PHACTR3: variants seen among roughly 807,000 people sequenced by gnomAD.
PHACTR3 encodes phosphatase and actin regulator 3.
PHACTR3 carries 16 observed loss-of-function variants against 66.8 expected under a neutral mutation model. That is an observed-to-expected ratio of 0.24 (90% CI 0.16 to 0.36). The LOEUF (loss-of-function observed/expected upper bound fraction) is 0.36. Ranked by LOEUF, PHACTR3 falls within the 10% of genes least tolerant of loss-of-function variation. The pLI is 1.00. For missense variants in PHACTR3, 647 were observed against 719.9 expected (o/e 0.90, Z 1.16); for synonymous variants, 323 against 292.1 (o/e 1.11, Z -1.08).
At chr20:59,675,229 A>T (rs1356798252) in intron 1 of PHACTR3, among the ~76,000 whole-genome samples, 3 of 141,980 alleles carry the variant, frequency 2.1e-5, no homozygotes, top group Non-Finnish European at 4.5e-5. Flanking sequence ...AGCTAATTGT[A>T]TTGAGGCTGT....
chr20:59,803,227 A>G (rs2041469257), intron 7 of PHACTR3, among the ~76,000 whole-genome samples: 1 of 152,236 alleles, frequency 6.6e-6, no homozygotes, highest in African/African-American at 2.4e-5. Context: ...AAAAGGTGAA[A>G]CATTCTTCTC....
chr20:59,755,209 A>G lies in PHACTR3; in HGVS notation c.386A>G (p.Asp129Gly), dbSNP rs1405607006. Residue 129 changes from aspartate (D) to glycine (G), a missense_variant, in exon 4 of 13, where the codon GAT (aspartate) becomes GGT (glycine). Asp to Gly is a moderately conservative substitution (Grantham distance 94, BLOSUM62 -1). Around this residue, in one of 2 missense-constraint regions of PHACTR3, gnomAD observed 577 missense variants for 571.1 expected, o/e 1.01. Transcript: ENST00000371015. ...QDAESKTCNPDGGPRSVQSEP... is the reference protein window; with the variant it reads ...QDAESKTCNPGGGPRSVQSEP... The stretch of plus-strand genomic sequence containing the variant: ...GCTGAAAGCAAAACTTGCAACCCCG[A>G]TGGAGGACCCCGATCTGTACAGAGT... 8 of 1,613,346 alleles carry G rather than the reference A, an allele frequency of 5.0e-6. No homozygotes were observed. Among genetic ancestry groups the G allele is most frequent in the East Asian group, 2.2e-5 (1 of 44,890 alleles).
At chr20:59,641,244 G>GTC (rs780455331) in intron 1 of PHACTR3, among the ~76,000 whole-genome samples, 24 of 151,818 alleles carry the variant, frequency 1.6e-4, no homozygotes, top group African/African-American at 4.8e-4. Flanking sequence ...ATGTATGTAT[G>GTC]TCTCTCTCTC....
At position 59,604,999 on chromosome 20, in the gene PHACTR3, C is replaced by T. The variant is rs771625476; in HGVS notation, c.-16C>T. The T allele has an allele frequency of 7.7e-7, 1 of 1,304,274 alleles. No homozygotes were observed. The highest frequency in any genetic ancestry group is 9.8e-7 in the Non-Finnish European group (1 of 1,020,284). 80.8% of individuals were successfully genotyped at this position (1,304,274 alleles called of 1,614,324 possible). On this transcript the variant is annotated 5_prime_UTR_variant, in exon 1 of 13. Coordinates refer to ENST00000371015, the MANE Select transcript of PHACTR3 (RefSeq NM_080672.5). ...CACGCGGCTCGCTCTAACTTGCCCC[C>T]GCGCCGGCCGGGCCCATGGCCGCGT...
chr20:59,773,729 G>A (rs981215093), intron 6 of PHACTR3, among the ~76,000 whole-genome samples: 1 of 152,252 alleles, frequency 6.6e-6, no homozygotes, highest in Non-Finnish European at 1.5e-5. Flanking sequence ...GACCCAGGGT[G>A]GGGTGGGAGC....
chr20:59,651,739 C>T (rs1182216930), intron 1 of PHACTR3, among the ~76,000 whole-genome samples: 1 of 152,134 alleles, frequency 6.6e-6, no homozygotes, highest in African/African-American at 2.4e-5. Flanking sequence ...AGCGTGTTCT[C>T]TCTACTCACA....
intron 1 of PHACTR3, among the ~76,000 whole-genome samples, chr20:59,655,985 C>T (rs1355488507): frequency 6.6e-6 from 1 of 151,800 alleles, no homozygotes; most frequent in African/African-American, 2.4e-5. Flanking sequence ...TTTCTAATTT[C>T]ATTCCATTGT....
At chr20:59,694,155 C>G (rs1331198341) in intron 1 of PHACTR3, among the ~76,000 whole-genome samples, 2 of 152,196 alleles carry the variant, frequency 1.3e-5, no homozygotes, top group African/African-American at 4.8e-5. Flanking sequence ...GAGATGCAGA[C>G]TCTATCTGTC....
intron 1 of PHACTR3, chr20:59,628,668 T>C (rs1252005818): frequency 1.0e-6 from 1 of 985,238 alleles, no homozygotes; most frequent in Admixed American, 6.2e-5. Context: ...GACTCCTGGT[T>C]GGTCTCAAGA....
chr20:59,700,802 T>G (rs1463053713), intron 1 of PHACTR3, among the ~76,000 whole-genome samples: 1 of 151,814 alleles, frequency 6.6e-6, no homozygotes, highest in Non-Finnish European at 1.5e-5. Context: ...TTTTTGTTTT[T>G]GTTTTGAGAC....
At chr20:59,686,158 A>C (rs999233161) in intron 1 of PHACTR3, among the ~76,000 whole-genome samples, 8 of 152,180 alleles carry the variant, frequency 5.3e-5, no homozygotes, top group African/African-American at 1.9e-4. Context: ...AGACCCTGCA[A>C]GGTATCCAGT....
intron 8 of PHACTR3, among the ~76,000 whole-genome samples, chr20:59,819,997 T>A (rs1474252969): frequency 6.6e-6 from 1 of 152,220 alleles, no homozygotes; most frequent in East Asian, 1.9e-4. Context: ...TGCTGCAGAT[T>A]TATCCGACTG....
intron 8 of PHACTR3, among the ~76,000 whole-genome samples, chr20:59,806,623 G>A (rs1328202355): frequency 6.6e-6 from 1 of 152,174 alleles, no homozygotes; most frequent in Non-Finnish European, 1.5e-5. Context: ...ATCCAGTGTT[G>A]CCAGATCTTC....
intron 1 of PHACTR3, among the ~76,000 whole-genome samples, chr20:59,672,183 C>A (rs191065002): frequency 1.1e-3 from 168 of 152,308 alleles, no homozygotes; most frequent in African/African-American, 3.8e-3. Context: ...CTGCTAAGTA[C>A]CCCCACAGTG....
At position 59,728,330 on chromosome 20, in the gene PHACTR3, G is replaced by A. The variant is rs146846175; in HGVS notation, c.119-14777G>A. On this transcript the variant is annotated intron_variant, in intron 1 of 12. Transcript: ENST00000371015. ...AGCGTAACATGGTGCAGTCATTGTGGAAAACAATTGGGTGGTTCTTGGAAA... is the reference window on the plus strand; with the variant it reads ...AGCGTAACATGGTGCAGTCATTGTGAAAAACAATTGGGTGGTTCTTGGAAA... 5.9e-5 allele frequency among the ~76,000 whole-genome samples: 9 copies of A among 152,202 alleles called. No homozygotes were observed. In the East Asian group the frequency reaches 1.7e-3, roughly 29 times the overall value.
chr20:59,843,284 A>C lies in PHACTR3; in HGVS notation c.1587+1749A>C, dbSNP rs187895063. 2.9e-3 allele frequency among the ~76,000 whole-genome samples: 444 copies of C among 152,130 alleles called. 5 individuals carry two copies. The highest frequency in any genetic ancestry group is 0.01 in the African/African-American group (433 of 41,530). ...GGACTAATACTGCTAAAATGACCAT[A>C]AAATGACCAATGCAATCCCTATCAA... On this transcript the variant is annotated intron_variant, in intron 11 of 12. Coordinates refer to ENST00000371015, the MANE Select transcript of PHACTR3 (RefSeq NM_080672.5).
At chr20:59,677,657 A>G (rs531583086) in intron 1 of PHACTR3, among the ~76,000 whole-genome samples, 44 of 152,326 alleles carry the variant, frequency 2.9e-4, no homozygotes, top group African/African-American at 9.6e-4. Flanking sequence ...GGTTGTCTGA[A>G]TGCTAAAACC....
intron 1 of PHACTR3, among the ~76,000 whole-genome samples, chr20:59,607,884 C>T (rs1287520684): frequency 6.6e-6 from 1 of 152,160 alleles, no homozygotes; most frequent in African/African-American, 2.4e-5. Flanking sequence ...AGTTTTTACC[C>T]ACTACAGACA....
intron 3 of PHACTR3, 41 bp downstream of exon 3, chr20:59,747,876 G>T: frequency 6.3e-7 from 1 of 1,595,800 alleles, no homozygotes. Context: ...GCACGGTGCT[G>T]GGAATGCAGA....
Sources: allele counts gnomAD v4.1 joint callset (sites outside exome capture counted in the v4.1 genomes callset), GRCh38; gene constraint gnomAD v4.1.1; regional missense constraint gnomAD v4.1.1; transcripts MANE v1.5; gene names NCBI Gene and HGNC (gene_info 2026-07-23, HGNC 2026-07-21).